The following MRPL3 variants were observed in gnomAD, a reference collection of about 807,000 sequenced individuals.
The protein encoded by MRPL3 is large ribosomal subunit protein uL3m.
Under a neutral mutation model 44.3 loss-of-function variants are expected in MRPL3, and 43 were observed. The ratio of observed to expected loss-of-function variants is 0.97; its 90% CI spans 0.76 to 1.25. The LOEUF (loss-of-function observed/expected upper bound fraction) is 1.25. MRPL3 is among the 50% of genes most tolerant of loss of function. MRPL3 has a pLI of 0.00. For missense variants in MRPL3, 406 were observed against 427.6 expected, an observed-to-expected ratio of 0.95 and a Z score of 0.45; for synonymous variants, 171 against 152.3, an observed-to-expected ratio of 1.12 and a Z score of -0.91.
At chr3:131,490,853 T>C (rs2110710908) in intron 4 of MRPL3, among the ~76,000 whole-genome samples, 1 of 152,306 alleles carries the variant, frequency 6.6e-6, no homozygotes, top group Admixed American at 6.5e-5. Context: ...GCATTGCTAA[T>C]TTTCAAGCAC....
rs532136224 is a variant in MRPL3, at chr3:131,462,646, G to A, written c.*77C>T. Reference sequence around the variant, plus strand: ...TGTTGTGACTAAGAAAGGAGAGTATGATTTCTGGTGGTTATGATATCACTC... The same window carrying A: ...TGTTGTGACTAAGAAAGGAGAGTATAATTTCTGGTGGTTATGATATCACTC... On this transcript the variant is annotated 3_prime_UTR_variant, in exon 10 of 10. Transcript: ENST00000264995. The A allele has an allele frequency of 2.9e-5, 40 of 1,369,958 alleles. 2 individuals carry two copies. In the South Asian group the frequency reaches 3.1e-4, roughly 11 times the overall value. 84.9% of individuals were successfully genotyped at this position (1,369,958 alleles called of 1,614,324 possible).
At chr3:131,485,815 C>T (rs1464428951) in intron 6 of MRPL3, among the ~76,000 whole-genome samples, 1 of 152,142 alleles carries the variant, frequency 6.6e-6, no homozygotes, top group Admixed American at 6.5e-5. Flanking sequence ...GCATCTTAAC[C>T]ATGTGAAGGA....
At chr3:131,485,006 T>C (rs973026614) in intron 6 of MRPL3, among the ~76,000 whole-genome samples, 1 of 152,024 alleles carries the variant, frequency 6.6e-6, no homozygotes, top group Non-Finnish European at 1.5e-5. Context: ...CAAATGGAGG[T>C]CCTCACTTCT....
intron 8 of MRPL3, among the ~76,000 whole-genome samples, chr3:131,469,221 TACACACACACACGCAC>T (rs1559813274): frequency 6.6e-6 from 1 of 150,382 alleles, no homozygotes; most frequent in African/African-American, 2.4e-5. Flanking sequence ...TCCTTACACT[TACACACACACACGCAC>T]ACACACACAC....
At chr3:131,500,571 C>G in intron 2 of MRPL3, 50 bp from the exon 3 acceptor site, 3 of 1,468,664 alleles carry the variant, frequency 2.0e-6, no homozygotes, top group Non-Finnish European at 2.9e-6. Flanking sequence ...GCAACATTCA[C>G]CAACATTATG....
rs538721711 is a variant in MRPL3, at chr3:131,467,274, C to T, written c.894+817G>A. Among the ~76,000 whole-genome samples, 28 of 151,282 alleles carry T rather than the reference C, an allele frequency of 1.9e-4. 1 individual carries two copies. The highest frequency in any genetic ancestry group is 9.9e-4 in the Admixed American group (15 of 15,206). On this transcript the variant is annotated intron_variant, in intron 9 of 9. Coordinates refer to ENST00000264995, the MANE Select transcript of MRPL3 (RefSeq NM_007208.4). ...CACACATACACACACACACACACAC[C>T]CACCACATCTTCTTTATCCATTCAT... is the stretch of plus-strand genomic sequence containing the variant.
At position 131,500,500 on chromosome 3, in the gene MRPL3, A is replaced by G. The variant is rs774197035; in HGVS notation, c.299T>C (p.Ile100Thr). ...AGGCATCATGCCCAGCTTCAAGGCA[A>G]TAAGACCAACTCTAAAGGAACCTGG... is the stretch of plus-strand genomic sequence containing the variant. ...WEPGSFRVGL[I>T]ALKLGMMPLW... Residue 100 changes from isoleucine (I) to threonine (T), a missense_variant, in exon 3 of 10, where the codon ATT (isoleucine) becomes ACT (threonine). Coordinates refer to ENST00000264995, the MANE Select transcript of MRPL3 (RefSeq NM_007208.4). The G allele has an allele frequency of 1.3e-4, 202 of 1,613,778 alleles. No homozygotes were observed. The highest frequency in any genetic ancestry group is 1.7e-4 in the Non-Finnish European group (198 of 1,179,870).
intron 6 of MRPL3, among the ~76,000 whole-genome samples, chr3:131,474,765 ATTTTTTTT>A (rs372689423): frequency 2.2e-5 from 3 of 137,868 alleles, no homozygotes; most frequent in East Asian, 2.1e-4. Flanking sequence ...AGACTTTTTA[ATTTTTTTT>A]TTTTTTTTTT....
At position 131,474,388 on chromosome 3, in the gene MRPL3, T is replaced by A. The variant is rs182835976; in HGVS notation, c.630-3109A>T. Among the ~76,000 whole-genome samples, 120 of 152,128 alleles carry A rather than the reference T, an allele frequency of 7.9e-4. 1 individual carries two copies. Among genetic ancestry groups the A allele is most frequent in the Middle Eastern group, 6.8e-3 (2 of 294 alleles). On this transcript the variant is annotated intron_variant, in intron 6 of 9. Coordinates refer to ENST00000264995, the MANE Select transcript of MRPL3 (RefSeq NM_007208.4). Reference sequence around the variant, plus strand: ...AGTGCAACAGTGATTACCCAGAGACTGGGGAGAGGATGGGGATGGGAATGA... The same window carrying A: ...AGTGCAACAGTGATTACCCAGAGACAGGGGAGAGGATGGGGATGGGAATGA...
At chr3:131,465,229 G>T (rs1463943099) in intron 9 of MRPL3, among the ~76,000 whole-genome samples, 1 of 152,154 alleles carries the variant, frequency 6.6e-6, no homozygotes, top group Non-Finnish European at 1.5e-5. Context: ...TCCCGTTTCA[G>T]AACTCTTTGG....
intron 4 of MRPL3, 142 bp from the exon 5 acceptor site, chr3:131,490,222 T>C (rs1279257333): frequency 1.7e-5 from 10 of 595,990 alleles, no homozygotes; most frequent in African/African-American, 5.6e-5. Flanking sequence ...GGGCACCCAA[T>C]TCCCCTTATT....
intron 4 of MRPL3, among the ~76,000 whole-genome samples, chr3:131,495,162 G>A (rs902470467): frequency 9.2e-5 from 14 of 152,080 alleles, no homozygotes; most frequent in African/African-American, 3.1e-4. Flanking sequence ...ATTTCCAAAT[G>A]TTTAGATATA....
At chr3:131,481,472 A>T (rs1386461769) in intron 6 of MRPL3, among the ~76,000 whole-genome samples, 1 of 152,250 alleles carries the variant, frequency 6.6e-6, no homozygotes, top group Non-Finnish European at 1.5e-5. Context: ...AAGTACATTT[A>T]CAATTATTCT....
intron 5 of MRPL3, 111 bp downstream of exon 5, chr3:131,489,866 AAAGT>A: frequency 1.7e-6 from 1 of 604,758 alleles, no homozygotes; most frequent in East Asian, 2.8e-5. Context: ...TTTGTATTTA[AAAGT>A]AAGTGTTTGA....
At chr3:131,489,909 G>A (rs1934213281) in intron 5 of MRPL3, 72 bp downstream of exon 5, 1 of 838,858 alleles carries the variant, frequency 1.2e-6, no homozygotes, top group African/African-American at 1.7e-5. Flanking sequence ...TAGCTTTATT[G>A]AAAGGGCTGA....
intron 4 of MRPL3, among the ~76,000 whole-genome samples, chr3:131,491,372 C>T (rs1027571549): frequency 2.0e-4 from 30 of 152,208 alleles, no homozygotes; most frequent in Non-Finnish European, 3.2e-4. Context: ...CCAGTTACTA[C>T]TCTCTCGGTT....
At chr3:131,476,274 A>C (rs532431247) in intron 6 of MRPL3, among the ~76,000 whole-genome samples, 1 of 152,334 alleles carries the variant, frequency 6.6e-6, no homozygotes, top group South Asian at 2.1e-4. Flanking sequence ...AAATAACATG[A>C]CAAATTATTG....
chr3:131,478,844 T>C (rs1453799135), intron 6 of MRPL3, among the ~76,000 whole-genome samples: 1 of 151,224 alleles, frequency 6.6e-6, no homozygotes, highest in Admixed American at 6.6e-5. Context: ...AAGTAGCACC[T>C]GCAACCACGG....
rs546545238 is a variant in MRPL3 at position 131,484,789 on chromosome 3, C to G, written c.629+2891G>C. Among the ~76,000 whole-genome samples the G allele has an allele frequency of 2.2e-4, 33 of 152,216 alleles. No individual in the cohort carries two copies. The East Asian group carries it at 4.2e-3, about 20-fold the overall frequency. On this transcript the variant is annotated intron_variant, in intron 6 of 9. Coordinates refer to ENST00000264995, the MANE Select transcript of MRPL3 (RefSeq NM_007208.4). ...ATTTAAAATTAAAAGCACCTTACAGCAATAATAAGATGTCAGCTACAAGAG... is the reference window on the plus strand; with the variant it reads ...ATTTAAAATTAAAAGCACCTTACAGGAATAATAAGATGTCAGCTACAAGAG...
Sources: gnomAD v4.1 joint callset for allele counts (sites outside exome capture counted in the v4.1 genomes callset) on GRCh38, gnomAD v4.1.1 for gene constraint, MANE v1.5 for transcripts, NCBI Gene and HGNC (gene_info 2026-07-23, HGNC 2026-07-21) for gene names.